The following ABCD3 variants were observed in gnomAD, a reference collection of about 807,000 sequenced individuals.
ABCD3 encodes the protein ATP binding cassette subfamily D member 3.
In ABCD3, 41 loss-of-function variants were observed where a neutral mutation model predicts 105.5. The ratio of observed to expected loss-of-function variants is 0.39; its 90% CI spans 0.30 to 0.50. The LOEUF (loss-of-function observed/expected upper bound fraction) is 0.50, where lower values mean the gene tolerates loss of function less well. Ranked by LOEUF, ABCD3 falls within the 20% of genes least tolerant of loss-of-function variation. The probability of loss-of-function intolerance (pLI) is 0.84; values close to 1 mark genes in which losing one functional copy is unlikely to be tolerated. For synonymous variants in ABCD3, 258 were observed against 269.0 expected, an observed-to-expected ratio of 0.96 and a Z score of 0.40; for missense variants, 622 against 806.3, an observed-to-expected ratio of 0.77 and a Z score of 2.77.
upstream of ABCD3, among the ~76,000 whole-genome samples, chr1:94,415,100 A>G (rs1012683806): frequency 6.6e-6 from 1 of 152,194 alleles, no homozygotes; most frequent in Non-Finnish European, 1.5e-5. Context: ...TGGCTTCCCC[A>G]AGAGCAAGCA....
the ABCD3 span, among the ~76,000 whole-genome samples, chr1:94,392,613 C>T: frequency 6.6e-6 from 1 of 152,298 alleles, no homozygotes; most frequent in Admixed American, 6.5e-5. Flanking sequence ...GTGATTGTAC[C>T]TTCCCTCTCT....
At chr1:94,469,240 G>A (rs1648319913) in intron 4 of ABCD3, among the ~76,000 whole-genome samples, 1 of 152,038 alleles carries the variant, frequency 6.6e-6, no homozygotes, top group South Asian at 2.1e-4. Flanking sequence ...TCAGTTTCAA[G>A]AGTGTAAGTG....
intron 1 of ABCD3, among the ~76,000 whole-genome samples, chr1:94,420,759 G>T (rs1308361366): frequency 1.3e-5 from 2 of 152,086 alleles, no homozygotes; most frequent in Non-Finnish European, 2.9e-5. Context: ...AAGATTAGAA[G>T]ATTCTAACTT....
intron 20 of ABCD3, among the ~76,000 whole-genome samples, chr1:94,501,279 A>AC (rs555266061): frequency 9.9e-5 from 15 of 151,874 alleles, no homozygotes; most frequent in Admixed American, 2.6e-4. Context: ...AAAAAAAAAA[A>AC]AAAAACACAT....
intron 13 of ABCD3, among the ~76,000 whole-genome samples, 185 bp from the exon 14 acceptor site, chr1:94,489,540 T>C (rs1037118180): frequency 6.6e-6 from 1 of 151,328 alleles, no homozygotes; most frequent in African/African-American, 2.4e-5. Context: ...TTCATCCCTA[T>C]ATTCCTGCTC....
chr1:94,401,650 C>T, the ABCD3 span, among the ~76,000 whole-genome samples: 9 of 152,148 alleles, frequency 5.9e-5, no homozygotes, highest in African/African-American at 2.2e-4. Context: ...AGGTCCTTCT[C>T]AGGACATAAG....
chr1:94,442,896 T>C (rs1660184329), intron 1 of ABCD3, among the ~76,000 whole-genome samples: 1 of 152,236 alleles, frequency 6.6e-6, no homozygotes, highest in South Asian at 2.1e-4. Context: ...TCCATATCTT[T>C]ACTGTTGTGA....
intron 20 of ABCD3, among the ~76,000 whole-genome samples, chr1:94,505,307 A>C (rs372770497): frequency 2.4e-4 from 37 of 152,026 alleles, no homozygotes; most frequent in African/African-American, 8.9e-4. Flanking sequence ...TACTGGGCTC[A>C]AGCCCTCCTG....
intron 2 of ABCD3, among the ~76,000 whole-genome samples, chr1:94,460,348 A>G (rs1185365725): frequency 1.3e-5 from 2 of 152,124 alleles, no homozygotes; most frequent in Non-Finnish European, 2.9e-5. Flanking sequence ...AGTATTGACT[A>G]TGTAAGGACC....
intron 16 of ABCD3, among the ~76,000 whole-genome samples, chr1:94,491,822 G>A (rs1012916781): frequency 4.6e-5 from 7 of 152,184 alleles, no homozygotes; most frequent in Middle Eastern, 3.4e-3. Flanking sequence ...GAATGTTTTT[G>A]TACGATTTGT....
At chr1:94,451,554 G>A (rs1163299514) in intron 1 of ABCD3, among the ~76,000 whole-genome samples, 1 of 152,056 alleles carries the variant, frequency 6.6e-6, no homozygotes, top group Non-Finnish European at 1.5e-5. Context: ...TTTCCCAAAG[G>A]ATTTATATCA....
In ABCD3 at chr1:94,517,221, T is replaced by A; in HGVS notation, c.*92T>A. ...CATTGTAAAATAAAGTTGAGCTTAG[T>A]TTTTTTTAAAAAAAAAAACAAAGCA... is the stretch of plus-strand genomic sequence containing the variant. On this transcript the variant is annotated 3_prime_UTR_variant, in exon 23 of 23. Coordinates refer to ENST00000370214, the MANE Select transcript of ABCD3 (RefSeq NM_002858.4). 1 of 966,016 alleles carries A rather than the reference T, an allele frequency of 1.0e-6. No homozygotes were observed. Among genetic ancestry groups the A allele is most frequent in the Non-Finnish European group, 1.6e-6 (1 of 615,748 alleles). 59.8% of individuals were successfully genotyped at this position (966,016 alleles called of 1,614,324 possible). A position where few individuals can be genotyped will look rare whatever the true frequency, so the allele number is the denominator to read the frequency against.
In ABCD3 at chr1:94,491,245, GAAGT is replaced by G; in HGVS notation, c.1386+3_1386+6del. On this transcript the variant is annotated splice_donor_variant and coding_sequence_variant, in exon 16 of 23. Coordinates refer to ENST00000370214, the MANE Select transcript of ABCD3 (RefSeq NM_002858.4). LOFTEE classifies it high-confidence loss of function. ...TGTTTTGATCCGAGACCTTAATTTTGAAGTAAGTTTTTAAATGATCATATAAAAG... is the reference window on the plus strand; with the variant it reads ...TGTTTTGATCCGAGACCTTAATTTTGAAGTTTTTAAATGATCATATAAAAG... The G allele has an allele frequency of 6.2e-7, 1 of 1,608,934 alleles. No individual in the cohort carries two copies. Among genetic ancestry groups the G allele is most frequent in the Non-Finnish European group, 8.5e-7 (1 of 1,175,936 alleles).
intron 20 of ABCD3, among the ~76,000 whole-genome samples, chr1:94,504,876 G>A (rs190792934): frequency 1.3e-5 from 2 of 152,262 alleles, no homozygotes; most frequent in Admixed American, 6.5e-5. Flanking sequence ...TTGTGGAGAT[G>A]AGGAAAAGTG....
At chr1:94,496,444 CAT>C (rs1268712575) in intron 16 of ABCD3, among the ~76,000 whole-genome samples, 28 of 131,616 alleles carry the variant, frequency 2.1e-4, no homozygotes, top group Non-Finnish European at 1.7e-5. Context: ...GGTTGAATGC[CAT>C]TTCATTGTGT....
At chr1:94,411,515 AC>A in the ABCD3 span, among the ~76,000 whole-genome samples, 1 of 152,160 alleles carries the variant, frequency 6.6e-6, no homozygotes, top group Non-Finnish European at 1.5e-5. Flanking sequence ...AGATATTAGA[AC>A]CCTTTTTCAT....
At chr1:94,507,831 TG>T (rs1287241417) in intron 21 of ABCD3, among the ~76,000 whole-genome samples, 1 of 145,108 alleles carries the variant, frequency 6.9e-6, no homozygotes, top group Admixed American at 7.0e-5. Flanking sequence ...CACTTTTTGA[TG>T]GGGTTGTTTG....
intron 20 of ABCD3, among the ~76,000 whole-genome samples, chr1:94,500,715 G>A (rs1650054027): frequency 6.6e-6 from 1 of 151,934 alleles, no homozygotes; most frequent in Non-Finnish European, 1.5e-5. Context: ...CCCTGATTTT[G>A]CAAGTTGTTT....
At chr1:94,470,747 TTTCTC>T (rs1648415662) in intron 4 of ABCD3, among the ~76,000 whole-genome samples, 1 of 152,144 alleles carries the variant, frequency 6.6e-6, no homozygotes, top group South Asian at 2.1e-4. Context: ...TATCTTATAA[TTTCTC>T]TTCTATTTTT....
Sources: gnomAD v4.1 joint callset for allele counts (sites outside exome capture counted in the v4.1 genomes callset) on GRCh38, gnomAD v4.1.1 for gene constraint, MANE v1.5 for transcripts, NCBI Gene and HGNC (gene_info 2026-07-23, HGNC 2026-07-21) for gene names.